The following IGF2BP3 variants were observed in gnomAD, a reference collection of about 807,000 sequenced individuals.
IGF2BP3 encodes the protein insulin-like growth factor 2 mRNA-binding protein 3.
IGF2BP3 carries 9 observed loss-of-function variants against 73.8 expected under a neutral mutation model. The observed-to-expected ratio is 0.12, with a 90% confidence interval of 0.07 to 0.21. The LOEUF is 0.21. IGF2BP3 is among the 10% of genes least tolerant of loss of function. The probability of loss-of-function intolerance (pLI) is 1.00; values close to 1 mark genes in which losing one functional copy is unlikely to be tolerated. For synonymous variants in IGF2BP3, 258 were observed against 256.7 expected (o/e 1.01, Z -0.05); for missense variants, 542 against 714.0 (o/e 0.76, Z 2.75).
chr7:23,458,054 A>G (rs1209852775), intron 2 of IGF2BP3, among the ~76,000 whole-genome samples: 1 of 152,190 alleles, frequency 6.6e-6, no homozygotes, highest in Non-Finnish European at 1.5e-5. Flanking sequence ...CCCCATCTGA[A>G]TCTCAAGGAG....
intron 3 of IGF2BP3, chr7:23,362,630 G>C (rs1002088475): frequency 2.6e-5 from 4 of 152,178 alleles, no homozygotes; most frequent in African/African-American, 9.7e-5. Flanking sequence ...GCAGATGTAC[G>C]TCTCATCAAT....
intron 3 of IGF2BP3, among the ~76,000 whole-genome samples, chr7:23,374,126 G>A (rs920163904): frequency 3.3e-5 from 5 of 152,120 alleles, no homozygotes; most frequent in South Asian, 2.1e-4. Flanking sequence ...CCGAGTATAC[G>A]TCCAAAAGAA....
Position 23,312,460 on chromosome 7 carries a change from C to G in IGF2BP3, c.1642G>C (p.Val548Leu). 1 of 1,608,028 alleles carries G rather than the reference C, an allele frequency of 6.2e-7. No individual in the cohort carries two copies. Among genetic ancestry groups the G allele is most frequent in the Non-Finnish European group, 8.5e-7 (1 of 1,174,496 alleles). The change falls in exon 15 of 15, where the codon GTT becomes CTT. Residue 548 changes from valine (V) to leucine (L), a missense_variant and splice_region_variant. By Grantham distance (32) the Val-to-Leu change is conservative (BLOSUM62 1). This residue lies in a region of IGF2BP3 where 303 missense variants were observed against 472.1 expected (regional missense o/e 0.64). Coordinates refer to ENST00000258729, the MANE Select transcript of IGF2BP3 (RefSeq NM_006547.3). ...KITGHFYACQ[V>L]AQRKIQEILT... ...ATTTCCTGAATTTTTCTCTGGGCAA[C>G]CTAGAAAAGGACAGAGCTTTGAAAT...
intron 5 of IGF2BP3, among the ~76,000 whole-genome samples, chr7:23,351,953 G>A (rs1041051315): frequency 3.3e-5 from 5 of 152,234 alleles, no homozygotes; most frequent in Admixed American, 6.5e-5. Context: ...CAAGAGAGAA[G>A]CAAGTGGGCT....
intron 3 of IGF2BP3, among the ~76,000 whole-genome samples, chr7:23,364,917 G>C (rs931183214): frequency 2.6e-5 from 4 of 152,072 alleles, no homozygotes; most frequent in African/African-American, 9.7e-5. Flanking sequence ...CTGTAATCCA[G>C]CACTTTGGGA....
At chr7:23,386,429 C>G (rs932581693) in intron 3 of IGF2BP3, among the ~76,000 whole-genome samples, 1 of 152,088 alleles carries the variant, frequency 6.6e-6, no homozygotes, top group East Asian at 1.9e-4. Context: ...CGCAACCAAC[C>G]AACAAAAAAC....
chr7:23,342,983 T>A (rs979017257), intron 9 of IGF2BP3, among the ~76,000 whole-genome samples: 1 of 152,186 alleles, frequency 6.6e-6, no homozygotes, highest in Admixed American at 6.5e-5. Flanking sequence ...TCGTCTCAGG[T>A]TTTGTGTTTC....
At chr7:23,321,967 CG>C (rs1156471126) in intron 10 of IGF2BP3, among the ~76,000 whole-genome samples, 1 of 152,048 alleles carries the variant, frequency 6.6e-6, no homozygotes, top group Non-Finnish European at 1.5e-5. Flanking sequence ...ACCACAAAGA[CG>C]GGGAAAAAAC....
intron 2 of IGF2BP3, among the ~76,000 whole-genome samples, chr7:23,419,541 C>T (rs1014466584): frequency 2.0e-5 from 3 of 152,164 alleles, no homozygotes; most frequent in Non-Finnish European, 4.4e-5. Context: ...TATAATCCTA[C>T]GTATTTTATG....
chr7:23,370,626 A>G (rs1785513184), intron 3 of IGF2BP3, among the ~76,000 whole-genome samples: 1 of 151,910 alleles, frequency 6.6e-6, no homozygotes, highest in African/African-American at 2.4e-5. Flanking sequence ...AAGGAGTCAC[A>G]CTATTTTTTT....
chr7:23,419,325 A>C (rs1382720339), intron 2 of IGF2BP3, among the ~76,000 whole-genome samples: 3 of 152,210 alleles, frequency 2.0e-5, no homozygotes, highest in Non-Finnish European at 4.4e-5. Flanking sequence ...GCTGGCACTA[A>C]ACCACAGAAT....
At chr7:23,398,178 T>C (rs1225604538) in intron 3 of IGF2BP3, among the ~76,000 whole-genome samples, 2 of 151,716 alleles carry the variant, frequency 1.3e-5, no homozygotes, top group African/African-American at 4.8e-5. Flanking sequence ...TTTTTTGTCC[T>C]TGCGATAGTT....
chr7:23,395,802 T>C (rs1469196847), intron 3 of IGF2BP3, among the ~76,000 whole-genome samples: 1 of 151,994 alleles, frequency 6.6e-6, no homozygotes, highest in African/African-American at 2.4e-5. Context: ...GACAGGTGCC[T>C]GTAATCCCAG....
chr7:23,310,672 T>C lies in IGF2BP3; in HGVS notation c.*1690A>G, dbSNP rs1266730164. On this transcript the variant is annotated 3_prime_UTR_variant, in exon 15 of 15. Transcript: ENST00000258729. ...TTTTGGTTAAAACTACAAAAGAAAC[T>C]TGTTTTCAGAGAACATTAAGGAAAA... 1 of 152,180 alleles carries C rather than the reference T, an allele frequency of 6.6e-6. No individual in the cohort carries two copies. Among genetic ancestry groups the C allele is most frequent in the Non-Finnish European group, 1.5e-5 (1 of 68,044 alleles). The allele number at this position is 152,180 out of a possible 1,614,324, so 9.4% of individuals were successfully genotyped here.
At chr7:23,413,021 G>A (rs976518788) in intron 3 of IGF2BP3, among the ~76,000 whole-genome samples, 8 of 150,068 alleles carry the variant, frequency 5.3e-5, no homozygotes, top group East Asian at 2.0e-4. Context: ...CACCACACCC[G>A]GCTAATTTCT....
At chr7:23,402,913 T>G (rs571118466) in intron 3 of IGF2BP3, among the ~76,000 whole-genome samples, 1 of 152,206 alleles carries the variant, frequency 6.6e-6, no homozygotes, top group South Asian at 2.1e-4. Flanking sequence ...GTTTTAGAAA[T>G]CTGTGGATCT....
At chr7:23,336,625 T>C (rs1337277543) in intron 10 of IGF2BP3, among the ~76,000 whole-genome samples, 1 of 152,052 alleles carries the variant, frequency 6.6e-6, no homozygotes, top group East Asian at 1.9e-4. Flanking sequence ...CTGGTTGTTA[T>C]CATTGCTTCT....
chr7:23,410,691 C>T (rs1786990920), intron 3 of IGF2BP3, among the ~76,000 whole-genome samples: 1 of 152,202 alleles, frequency 6.6e-6, no homozygotes, highest in African/African-American at 2.4e-5. Flanking sequence ...TCATTCATCA[C>T]TCATAACCAT....
chr7:23,380,977 G>C (rs1362953889), intron 3 of IGF2BP3, among the ~76,000 whole-genome samples: 3 of 152,184 alleles, frequency 2.0e-5, no homozygotes, highest in African/African-American at 7.2e-5. Context: ...ATCTTCCATA[G>C]TAAGCACCCA....
Sources: gnomAD v4.1 joint callset for allele counts (sites outside exome capture counted in the v4.1 genomes callset) on GRCh38, gnomAD v4.1.1 for gene constraint, gnomAD v4.1.1 regional missense constraint, MANE v1.5 for transcripts, NCBI Gene and HGNC (gene_info 2026-07-23, HGNC 2026-07-21) for gene names.